The following CNTN4 variants were observed in gnomAD, a reference collection of about 807,000 sequenced individuals.
The protein encoded by CNTN4 is contactin-4.
CNTN4 carries 77 observed loss-of-function variants against 122.5 expected under a neutral mutation model. The ratio of observed to expected loss-of-function variants is 0.63; its 90% CI spans 0.52 to 0.76. CNTN4 has a LOEUF of 0.76. Ranked by LOEUF, CNTN4 falls within the 30% of genes least tolerant of loss-of-function variation. The pLI is 0.00. For synonymous variants in CNTN4, 512 were observed against 447.0 expected, an observed-to-expected ratio of 1.15 and a Z score of -1.83; for missense variants, 1,256 against 1,259.1, an observed-to-expected ratio of 1.00 and a Z score of 0.04.
At chr3:2,518,477 A>G (rs541777926) in intron 3 of CNTN4, among the ~76,000 whole-genome samples, 2 of 152,230 alleles carry the variant, frequency 1.3e-5, no homozygotes, top group South Asian at 4.1e-4. Context: ...AATTAGGAAC[A>G]TGTCTGCAAG....
chr3:2,149,970 T>C (rs1272437001), intron 2 of CNTN4, among the ~76,000 whole-genome samples: 1 of 150,590 alleles, frequency 6.6e-6, no homozygotes, highest in Non-Finnish European at 1.5e-5. Context: ...GGCATAGCTT[T>C]TTTTTTTTTT....
chr3:2,669,252 A>T (rs1304866594), intron 4 of CNTN4, among the ~76,000 whole-genome samples: 2 of 152,144 alleles, frequency 1.3e-5, no homozygotes, highest in Non-Finnish European at 2.9e-5. Context: ...GCTATTAATT[A>T]TTGCCTCAAT....
chr3:2,924,992 T>G (rs911863130), intron 12 of CNTN4, among the ~76,000 whole-genome samples: 1 of 152,328 alleles, frequency 6.6e-6, no homozygotes, highest in East Asian at 1.9e-4. Flanking sequence ...CCCTTTCAAT[T>G]TTCTGAAATT....
At chr3:2,199,968 A>G (rs1475218447) in intron 2 of CNTN4, among the ~76,000 whole-genome samples, 1 of 152,182 alleles carries the variant, frequency 6.6e-6, no homozygotes, top group Non-Finnish European at 1.5e-5. Context: ...GATGAAGATG[A>G]GCTATCAGAG....
rs867210332 is a variant in CNTN4 at position 2,706,184 on chromosome 3, G to A, written c.56-30031G>A. Among the ~76,000 whole-genome samples the A allele has an allele frequency of 2.0e-5, 3 of 151,200 alleles. No individual in the cohort carries two copies. In the South Asian group the frequency reaches 6.2e-4, roughly 31 times the overall value. On this transcript the variant is annotated intron_variant, in intron 4 of 24. Coordinates refer to ENST00000418658, the MANE Select transcript of CNTN4 (RefSeq NM_175607.3). ...TTTAAAATACGCTTTATAGAATAGG[G>A]GGAAAACCCAGTGACATAATGCATA...
At chr3:2,482,559 G>GACA (rs948080330) in intron 3 of CNTN4, among the ~76,000 whole-genome samples, 9 of 152,148 alleles carry the variant, frequency 5.9e-5, no homozygotes. Flanking sequence ...AGACCTTCAG[G>GACA]ACAGGCCCTC....
intron 3 of CNTN4, among the ~76,000 whole-genome samples, chr3:2,570,952 A>C (rs929117274): frequency 6.6e-6 from 1 of 152,210 alleles, no homozygotes; most frequent in Non-Finnish European, 1.5e-5. Context: ...TTAATGGGGT[A>C]GTCACCATTT....
rs1052199383 is a variant in CNTN4 at position 2,449,778 on chromosome 3, A to G, written c.-89+110545A>G. 5.9e-5 allele frequency among the ~76,000 whole-genome samples: 9 copies of G among 152,162 alleles called. 1 individual carries two copies. Among genetic ancestry groups the G allele is most frequent in the Admixed American group, 4.6e-4 (7 of 15,264 alleles). ...TCGTTCTGTCTTAAAAAATAATGAA[A>G]TCTTGCTATTTATGACAACATGGAT... is the stretch of plus-strand genomic sequence containing the variant. On this transcript the variant is annotated intron_variant, in intron 3 of 24. Coordinates refer to ENST00000418658, the MANE Select transcript of CNTN4 (RefSeq NM_175607.3).
chr3:2,726,558 T>C (rs2088239479), intron 4 of CNTN4, among the ~76,000 whole-genome samples: 1 of 152,184 alleles, frequency 6.6e-6, no homozygotes, highest in Non-Finnish European at 1.5e-5. Flanking sequence ...GGAAGCACCA[T>C]TGAGTGAATT....
intron 3 of CNTN4, among the ~76,000 whole-genome samples, chr3:2,447,501 T>C (rs938394884): frequency 6.6e-6 from 1 of 152,164 alleles, no homozygotes; most frequent in African/African-American, 2.4e-5. Flanking sequence ...ATATATTTTA[T>C]GTGCTTGTTT....
In CNTN4 at chr3:2,222,895, A is replaced by G. The variant is rs2039116915; in HGVS notation, c.-144-116283A>G. Among the ~76,000 whole-genome samples, 4 of 152,290 alleles carry G rather than the reference A, an allele frequency of 2.6e-5. No homozygotes were observed. In the South Asian group the frequency reaches 8.3e-4, roughly 32 times the overall value. On this transcript the variant is annotated intron_variant, in intron 2 of 24. Coordinates refer to ENST00000418658, the MANE Select transcript of CNTN4 (RefSeq NM_175607.3). ...ACCATTATGTTTGTCCACATTGTTT[A>G]TTACCTTCCCCAACCCCTAAAAGCC...
intron 7 of CNTN4, among the ~76,000 whole-genome samples, chr3:2,827,199 C>T (rs1039949870): frequency 1.9e-4 from 29 of 152,230 alleles, no homozygotes; most frequent in African/African-American, 6.7e-4. Context: ...AGCTTACTCC[C>T]TCTACTTTCT....
At chr3:2,604,314 T>G (rs1311043947) in intron 4 of CNTN4, among the ~76,000 whole-genome samples, 1 of 152,162 alleles carries the variant, frequency 6.6e-6, no homozygotes, top group Non-Finnish European at 1.5e-5. Context: ...TGAACTTTTG[T>G]GTATCCTAGT....
chr3:2,309,497 G>C (rs2042838755), intron 2 of CNTN4, among the ~76,000 whole-genome samples: 1 of 152,016 alleles, frequency 6.6e-6, no homozygotes, highest in Non-Finnish European at 1.5e-5. Context: ...TTTCCTACTT[G>C]TTTTTTATAT....
chr3:2,919,322 A>G (rs770739553), intron 12 of CNTN4, among the ~76,000 whole-genome samples: 1 of 148,572 alleles, frequency 6.7e-6, no homozygotes, highest in South Asian at 2.2e-4. Context: ...ACTGCACTCC[A>G]GCCTGGGTGA....
chr3:2,928,583 A>T (rs2094493885), intron 13 of CNTN4, among the ~76,000 whole-genome samples: 1 of 152,202 alleles, frequency 6.6e-6, no homozygotes. Context: ...CTCTTTTCAG[A>T]TGTAGAATCT....
At chr3:2,270,616 A>T (rs2041255566) in intron 2 of CNTN4, among the ~76,000 whole-genome samples, 1 of 152,106 alleles carries the variant, frequency 6.6e-6, no homozygotes, top group South Asian at 2.1e-4. Context: ...CTCTGTGGCT[A>T]CATGCTTACA....
chr3:2,415,909 C>T (rs1219921520), intron 3 of CNTN4, among the ~76,000 whole-genome samples: 1 of 152,036 alleles, frequency 6.6e-6, no homozygotes, highest in African/African-American at 2.4e-5. Context: ...AGCTTAATAA[C>T]CAAAGTTATA....
intron 3 of CNTN4, among the ~76,000 whole-genome samples, chr3:2,432,067 T>C (rs2048094321): frequency 6.6e-6 from 1 of 152,188 alleles, no homozygotes; most frequent in African/African-American, 2.4e-5. Context: ...GCACAAACAA[T>C]GAGCCAGGTA....
Sources: allele counts gnomAD v4.1 joint callset (sites outside exome capture counted in the v4.1 genomes callset), GRCh38; gene constraint gnomAD v4.1.1; transcripts MANE v1.5; gene names NCBI Gene and HGNC (gene_info 2026-07-23, HGNC 2026-07-21).